Variants in PRKAR2B observed in about 807,000 individuals in gnomAD.
PRKAR2B encodes cAMP-dependent protein kinase type II-beta regulatory subunit.
PRKAR2B carries 14 observed loss-of-function variants against 49.9 expected under a neutral mutation model. The ratio of observed to expected loss-of-function variants is 0.28; its 90% CI spans 0.19 to 0.44. The LOEUF (loss-of-function observed/expected upper bound fraction) is 0.44. Among genes scored for constraint, PRKAR2B ranks in the 20% least tolerant of loss-of-function variants. The probability of loss-of-function intolerance (pLI) is 1.00; values close to 1 mark genes in which losing one functional copy is unlikely to be tolerated. For missense variants in PRKAR2B, 393 were observed against 537.9 expected (o/e 0.73, Z 2.67); for synonymous variants, 196 against 197.7 (o/e 0.99, Z 0.07).
intron 2 of PRKAR2B, among the ~76,000 whole-genome samples, chr7:107,079,873 AGGAGGATG>A (rs1021115256): frequency 3.9e-5 from 6 of 152,230 alleles, no homozygotes; most frequent in African/African-American, 1.2e-4. Context: ...TGAGAATGCA[AGGAGGATG>A]GGAAGATTTC....
At chr7:107,061,903 A>C (rs1278956426) in intron 1 of PRKAR2B, among the ~76,000 whole-genome samples, 1 of 152,176 alleles carries the variant, frequency 6.6e-6, no homozygotes, top group African/African-American at 2.4e-5. Flanking sequence ...TCTCGGAAAA[A>C]AAAGAAGACA....
chr7:107,121,912 G>C lies in PRKAR2B; in HGVS notation c.344-40G>C, dbSNP rs754877192. The C allele has an allele frequency of 3.7e-6, 5 of 1,354,884 alleles. No individual in the cohort carries two copies. The South Asian group carries it at 6.3e-5, about 17-fold the overall frequency. 83.9% of individuals were successfully genotyped at this position (1,354,884 alleles called of 1,614,324 possible). A position where few individuals can be genotyped will look rare whatever the true frequency, so the allele number is the denominator to read the frequency against. ...ATGTACTCATTGTAGTATGGTTTTT[G>C]ATGAAACAATCTTTAAGATGTTCAT... On this transcript the variant is annotated intron_variant, in intron 2 of 10. Coordinates refer to ENST00000265717, the MANE Select transcript of PRKAR2B (RefSeq NM_002736.3).
At chr7:107,129,852 G>C (rs1413371675) in intron 4 of PRKAR2B, among the ~76,000 whole-genome samples, 3 of 152,174 alleles carry the variant, frequency 2.0e-5, no homozygotes, top group Non-Finnish European at 4.4e-5. Flanking sequence ...TCTGGTGGGA[G>C]TGTGGCAGTG....
intron 2 of PRKAR2B, among the ~76,000 whole-genome samples, chr7:107,113,802 C>G (rs1795216749): frequency 6.6e-6 from 1 of 152,076 alleles, no homozygotes; most frequent in African/African-American, 2.4e-5. Context: ...AGTCTTGTAT[C>G]TTTATCTAAG....
At chr7:107,067,002 G>C (rs1027665816) in intron 1 of PRKAR2B, 1 of 152,344 alleles carries the variant, frequency 6.6e-6, no homozygotes, top group Non-Finnish European at 1.5e-5. Context: ...AATGTGGCCA[G>C]TATTAGAGCC....
At chr7:107,121,889 G>T (rs955473711) in intron 2 of PRKAR2B, 63 bp from the exon 3 acceptor site, 12 of 987,658 alleles carry the variant, frequency 1.2e-5, no homozygotes, top group African/African-American at 3.3e-5. Context: ...TGTTAACGAT[G>T]TACTCATTGT....
At chr7:107,063,379 T>C (rs1368959463) in intron 1 of PRKAR2B, among the ~76,000 whole-genome samples, 1 of 152,112 alleles carries the variant, frequency 6.6e-6, no homozygotes, top group Non-Finnish European at 1.5e-5. Context: ...ATATATATTG[T>C]AGCCAGCAGT....
chr7:107,123,306 T>TA (rs1241753123), intron 3 of PRKAR2B, among the ~76,000 whole-genome samples: 1 of 152,214 alleles, frequency 6.6e-6, no homozygotes, highest in South Asian at 2.1e-4. Flanking sequence ...ATGAGGTAAA[T>TA]AAAGTGTTTT....
At chr7:107,125,847 G>C (rs1158301570) in intron 3 of PRKAR2B, among the ~76,000 whole-genome samples, 1 of 152,036 alleles carries the variant, frequency 6.6e-6, no homozygotes, top group East Asian at 1.9e-4. Flanking sequence ...TTAGCAGTTT[G>C]GGAGGCCAAG....
chr7:107,095,519 G>A (rs1397550986), intron 2 of PRKAR2B, among the ~76,000 whole-genome samples: 2 of 152,082 alleles, frequency 1.3e-5, no homozygotes, highest in Admixed American at 1.3e-4. Flanking sequence ...GATTGCCCTG[G>A]CCAGAACTTC....
intron 2 of PRKAR2B, among the ~76,000 whole-genome samples, chr7:107,085,090 A>G (rs1794591666): frequency 6.6e-6 from 1 of 152,076 alleles, no homozygotes; most frequent in Non-Finnish European, 1.5e-5. Context: ...AAAATAAAAG[A>G]TCTACTTGTC....
chr7:107,102,359 A>C (rs1015517547), intron 2 of PRKAR2B, among the ~76,000 whole-genome samples: 6 of 152,226 alleles, frequency 3.9e-5, no homozygotes, highest in African/African-American at 1.4e-4. Context: ...TTTTCTAGAA[A>C]GTTTGTGAAT....
chr7:107,104,730 G>A (rs1795041829), intron 2 of PRKAR2B, among the ~76,000 whole-genome samples: 3 of 152,296 alleles, frequency 2.0e-5, no homozygotes, highest in Admixed American at 2.0e-4. Context: ...AAGAGTGTCT[G>A]CATTAGTCCA....
intron 1 of PRKAR2B, among the ~76,000 whole-genome samples, chr7:107,067,827 G>A (rs933552078): frequency 6.6e-6 from 1 of 152,204 alleles, no homozygotes; most frequent in African/African-American, 2.4e-5. Context: ...CAAATTTGAT[G>A]TTGTCATTGT....
chr7:107,114,700 C>G (rs1473586914), intron 2 of PRKAR2B, among the ~76,000 whole-genome samples: 1 of 151,850 alleles, frequency 6.6e-6, no homozygotes, highest in African/African-American at 2.4e-5. Context: ...GAGGAAAATA[C>G]CAAATGAAGA....
intron 2 of PRKAR2B, among the ~76,000 whole-genome samples, chr7:107,115,983 T>G (rs1028469870): frequency 1.3e-5 from 2 of 152,202 alleles, no homozygotes; most frequent in African/African-American, 4.8e-5. Flanking sequence ...GTACTCACTC[T>G]CCTGAGGTGG....
At chr7:107,048,879 A>G (rs1370058760) in intron 1 of PRKAR2B, among the ~76,000 whole-genome samples, 11 of 152,224 alleles carry the variant, frequency 7.2e-5, no homozygotes, top group Admixed American at 7.2e-4. Context: ...TGTTAGAATG[A>G]TAGTGGCTTA....
chr7:107,048,792 A>G (rs912852966), intron 1 of PRKAR2B, among the ~76,000 whole-genome samples: 12 of 152,034 alleles, frequency 7.9e-5, no homozygotes, highest in East Asian at 1.9e-4. Flanking sequence ...TCCCTCTCCT[A>G]TTCTCTTCCA....
chr7:107,045,268 C>T (rs1584397509), intron 1 of PRKAR2B, 54 bp downstream of exon 1: 3 of 1,360,570 alleles, frequency 2.2e-6, no homozygotes, highest in Non-Finnish European at 2.9e-6. Flanking sequence ...TGCCCCCCAC[C>T]GCTCCCCGCT....
Sources: gnomAD v4.1 joint callset for allele counts (sites outside exome capture counted in the v4.1 genomes callset) on GRCh38, gnomAD v4.1.1 for gene constraint, MANE v1.5 for transcripts, NCBI Gene and HGNC (gene_info 2026-07-23, HGNC 2026-07-21) for gene names.